FOCAD: variants seen among roughly 807,000 people sequenced by gnomAD.
FOCAD encodes focadhesin.
Under a neutral mutation model 225.6 loss-of-function variants are expected in FOCAD, and 198 were observed. The ratio of observed to expected loss-of-function variants is 0.88; its 90% CI spans 0.78 to 0.99. The LOEUF (loss-of-function observed/expected upper bound fraction) is 0.99, where lower values mean the gene tolerates loss of function less well. FOCAD is among the 50% of genes least tolerant of loss of function. The pLI is 0.00. For missense variants in FOCAD, 2,713 were observed against 2,123.6 expected (o/e 1.28, Z -5.46); for synonymous variants, 897 against 755.0 (o/e 1.19, Z -3.08).
At chr9:20,778,089 CAAAA>C (rs1184354592) in intron 8 of FOCAD, among the ~76,000 whole-genome samples, 52 of 84,178 alleles carry the variant, frequency 6.2e-4, no homozygotes, top group African/African-American at 2.1e-3. Flanking sequence ...GACTCCGTCT[CAAAA>C]AAAAAAAAAA....
rs200667588 is a variant in FOCAD at position 20,929,575 on chromosome 9, G to T, written c.3296G>T (p.Arg1099Leu). 1.2e-6 allele frequency: 2 copies of T among 1,613,636 alleles called. No homozygotes were observed. The highest frequency in any genetic ancestry group is 1.7e-6 in the Non-Finnish European group (2 of 1,179,654). ...MGLALGMFLSRLCEEKLSDIS... is the reference protein window; with the variant it reads ...MGLALGMFLSLLCEEKLSDIS... ...CTTGCTTTAGGGATGTTTCTCTCTC[G>T]CTTGTGTGAAGAGAAACTCAGGTAC... The change falls in exon 27 of 44, where the codon CGC becomes CTC. Residue 1099 changes from arginine to leucine, a missense_variant. Coordinates refer to ENST00000338382, the MANE Select transcript of FOCAD (RefSeq NM_001375567.1).
At chr9:20,868,598 C>T (rs1587453272) in intron 18 of FOCAD, among the ~76,000 whole-genome samples, 1 of 152,036 alleles carries the variant, frequency 6.6e-6, no homozygotes, top group African/African-American at 2.4e-5. Flanking sequence ...AAATGGTAAA[C>T]GTACTTAGAG....
intron 27 of FOCAD, among the ~76,000 whole-genome samples, chr9:20,931,047 A>T (rs1835418904): frequency 6.6e-6 from 1 of 152,190 alleles, no homozygotes; most frequent in Non-Finnish European, 1.5e-5. Flanking sequence ...AACTCATTTC[A>T]TCCTATTCTG....
rs1308775072 is a variant in FOCAD, at chr9:20,761,967, A to G, written c.495-2902A>G. 2.6e-5 allele frequency among the ~76,000 whole-genome samples: 4 copies of G among 152,214 alleles called. No individual in the cohort carries two copies. The East Asian group carries it at 7.7e-4, about 29-fold the overall frequency. On this transcript the variant is annotated intron_variant, in intron 6 of 43. Coordinates refer to ENST00000338382, the MANE Select transcript of FOCAD (RefSeq NM_001375567.1). ...TCAGATACCACATGCAGAATCTAAAATCAGAACAGATTAAGCCAAGGGGAT... is the reference window on the plus strand; with the variant it reads ...TCAGATACCACATGCAGAATCTAAAGTCAGAACAGATTAAGCCAAGGGGAT...
intron 1 of FOCAD, among the ~76,000 whole-genome samples, chr9:20,698,434 C>T (rs1054942644): frequency 6.6e-6 from 1 of 152,078 alleles, no homozygotes; most frequent in Admixed American, 6.6e-5. Context: ...GAGTCTTGCT[C>T]TATGACCCAG....
intron 28 of FOCAD, among the ~76,000 whole-genome samples, chr9:20,933,571 A>ATGTG (rs377115971): frequency 3.3e-5 from 5 of 150,742 alleles, no homozygotes; most frequent in East Asian, 3.9e-4. Context: ...GTGTGTGTGT[A>ATGTG]TGTGTGTGTG....
At chr9:20,921,918 G>C in intron 24 of FOCAD, among the ~76,000 whole-genome samples, 1 of 152,012 alleles carries the variant, frequency 6.6e-6, no homozygotes, top group East Asian at 1.9e-4. Flanking sequence ...AGATTCTAGT[G>C]ACCTCACGTT....
At chr9:20,913,784 T>C (rs913181382) in intron 23 of FOCAD, among the ~76,000 whole-genome samples, 2 of 152,216 alleles carry the variant, frequency 1.3e-5, no homozygotes, top group African/African-American at 4.8e-5. Flanking sequence ...GAGGGTTTTG[T>C]ATCCTATTTG....
intron 6 of FOCAD, among the ~76,000 whole-genome samples, chr9:20,760,958 A>G (rs1008633456): frequency 3.3e-5 from 5 of 151,852 alleles, no homozygotes; most frequent in Admixed American, 2.6e-4. Flanking sequence ...CTAGCTATTT[A>G]TGTTCATTTT....
intron 31 of FOCAD, 96 bp from the exon 32 acceptor site, chr9:20,948,755 A>G: frequency 1.5e-6 from 2 of 1,348,918 alleles, no homozygotes; most frequent in Non-Finnish European, 2.1e-6. Context: ...TTTGGTACCA[A>G]TTCGACCATT....
intron 1 of FOCAD, among the ~76,000 whole-genome samples, chr9:20,713,108 C>T (rs1479347817): frequency 6.6e-6 from 1 of 152,142 alleles, no homozygotes; most frequent in Non-Finnish European, 1.5e-5. Flanking sequence ...AATGTGACCA[C>T]TTGGTACCCC....
At chr9:20,970,687 C>G (rs185414695) in intron 35 of FOCAD, among the ~76,000 whole-genome samples, 6 of 152,040 alleles carry the variant, frequency 3.9e-5, no homozygotes, top group African/African-American at 1.4e-4. Flanking sequence ...ATGTCTTTAC[C>G]TCCTCTGGGA....
intron 10 of FOCAD, among the ~76,000 whole-genome samples, chr9:20,782,653 C>T (rs1180990922): frequency 6.6e-6 from 1 of 152,152 alleles, no homozygotes; most frequent in Non-Finnish European, 1.5e-5. Flanking sequence ...TTTCCCAGCT[C>T]CTCTTATGGG....
In FOCAD at chr9:20,731,069, C is replaced by T. The variant is rs545295337; in HGVS notation, c.288-9167C>T. On this transcript the variant is annotated intron_variant, in intron 4 of 43. Transcript: ENST00000338382. ...TGGCCAACATGGCAAAACCCCATCT[C>T]TACTAAAAATACAAAAAAAATTAGC... 5.9e-5 allele frequency among the ~76,000 whole-genome samples: 9 copies of T among 152,262 alleles called. No individual in the cohort carries two copies. In the South Asian group the frequency reaches 1.9e-3, roughly 32 times the overall value.
At chr9:20,740,114 G>T in intron 4 of FOCAD, 122 bp from the exon 5 acceptor site, 1 of 602,042 alleles carries the variant, frequency 1.7e-6, no homozygotes, top group East Asian at 2.9e-5. Flanking sequence ...GAGGGCCTGT[G>T]GGTGGCTACT....
rs1824197341 is a variant in FOCAD, at chr9:20,820,442, A to G, written c.1662+17A>G. The G allele has an allele frequency of 1.3e-6, 2 of 1,588,370 alleles. No individual in the cohort carries two copies. Among genetic ancestry groups the G allele is most frequent in the Non-Finnish European group, 1.7e-6 (2 of 1,157,606 alleles). On this transcript the variant is annotated intron_variant, in intron 13 of 43. Coordinates refer to ENST00000338382, the MANE Select transcript of FOCAD (RefSeq NM_001375567.1). ...GAAAAGCAGGTAATTTCAGATATAC[A>G]CTTGCATGAGTATTAAATATGTTCC...
intron 11 of FOCAD, among the ~76,000 whole-genome samples, chr9:20,812,917 C>G (rs1452618374): frequency 1.3e-5 from 2 of 152,084 alleles, no homozygotes; most frequent in Non-Finnish European, 1.5e-5. Context: ...TCTAATTGTA[C>G]TGTACAGTAT....
intron 35 of FOCAD, among the ~76,000 whole-genome samples, chr9:20,965,889 A>G (rs184582836): frequency 6.6e-6 from 1 of 152,302 alleles, no homozygotes; most frequent in African/African-American, 2.4e-5. Context: ...TGCTGAATAA[A>G]AATCCATTGC....
intron 25 of FOCAD, among the ~76,000 whole-genome samples, chr9:20,925,188 A>G (rs1587628176): frequency 6.6e-6 from 1 of 152,344 alleles, no homozygotes; most frequent in South Asian, 2.1e-4. Flanking sequence ...GAAATTTTAT[A>G]GAGAGGAAAT....
Sources: allele counts gnomAD v4.1 joint callset (sites outside exome capture counted in the v4.1 genomes callset), GRCh38; gene constraint gnomAD v4.1.1; transcripts MANE v1.5; gene names NCBI Gene and HGNC (gene_info 2026-07-23, HGNC 2026-07-21).